Variants in SHISA9 observed in about 807,000 individuals in gnomAD.
SHISA9 encodes shisa family member 9, also known as protein shisa-9.
SHISA9 carries 13 observed loss-of-function variants against 38.0 expected under a neutral mutation model. That is an observed-to-expected ratio of 0.34 (90% CI 0.22 to 0.54). The LOEUF is 0.54. Among genes scored for constraint, SHISA9 ranks in the 20% least tolerant of loss-of-function variants. The pLI is 0.91. For missense variants in SHISA9, 538 were observed against 575.8 expected (o/e 0.93, Z 0.67); for synonymous variants, 275 against 242.0 (o/e 1.14, Z -1.27).
At chr16:13,011,099 T>A (rs1195684508) in intron 2 of SHISA9, among the ~76,000 whole-genome samples, 1 of 152,230 alleles carries the variant, frequency 6.6e-6, no homozygotes, top group Non-Finnish European at 1.5e-5. Flanking sequence ...ACTAAGAGCC[T>A]GTTGTAATGG....
intron 2 of SHISA9, among the ~76,000 whole-genome samples, chr16:13,194,679 G>C (rs2050920128): frequency 6.6e-6 from 1 of 152,066 alleles, no homozygotes; most frequent in South Asian, 2.1e-4. Context: ...CAGGCATATG[G>C]AAGTCATGGG....
At chr16:13,440,912 C>G in the SHISA9 span, among the ~76,000 whole-genome samples, 3 of 149,008 alleles carry the variant, frequency 2.0e-5, no homozygotes, top group African/African-American at 7.4e-5. Context: ...CAGAGCAAGA[C>G]TCTGGGAAAA....
At chr16:13,343,744 A>T in the SHISA9 span, among the ~76,000 whole-genome samples, 1 of 152,182 alleles carries the variant, frequency 6.6e-6, no homozygotes, top group Non-Finnish European at 1.5e-5. Context: ...AAGTGTAAGA[A>T]GCATCCTGAC....
At chr16:12,909,082 A>G (rs987010706) in intron 1 of SHISA9, 1 of 989,228 alleles carries the variant, frequency 1.0e-6, no homozygotes, top group South Asian at 4.6e-5. Flanking sequence ...TAAGGCTTTG[A>G]CCAGCTTCCC....
chr16:13,334,880 G>A, the SHISA9 span, among the ~76,000 whole-genome samples: 1 of 152,102 alleles, frequency 6.6e-6, no homozygotes, highest in Non-Finnish European at 1.5e-5. Flanking sequence ...CAGGGAGCCT[G>A]CCACATCAAT....
At chr16:12,952,682 C>T (rs1466478856) in intron 2 of SHISA9, among the ~76,000 whole-genome samples, 1 of 152,104 alleles carries the variant, frequency 6.6e-6, no homozygotes, top group African/African-American at 2.4e-5. Context: ...AGTGGCACTT[C>T]CTCCTTCACT....
chr16:13,207,519 TAGAAAACTCTGAAGCA>T (rs770632343), intron 3 of SHISA9, among the ~76,000 whole-genome samples: 10 of 152,166 alleles, frequency 6.6e-5, no homozygotes, highest in African/African-American at 9.7e-5. Flanking sequence ...TAATACCTCC[TAGAAAACTCTGAAGCA>T]TCCCACGTGG....
chr16:13,558,219 A>G, the SHISA9 span, among the ~76,000 whole-genome samples: 5 of 152,142 alleles, frequency 3.3e-5, no homozygotes, highest in Admixed American at 1.3e-4. Flanking sequence ...CTTCCCATCT[A>G]CAAAATGAGG....
intron 2 of SHISA9, among the ~76,000 whole-genome samples, chr16:13,054,108 T>C (rs1237780067): frequency 1.3e-5 from 2 of 152,204 alleles, no homozygotes; most frequent in African/African-American, 4.8e-5. Context: ...TGGTATGTCT[T>C]CCCTATTAGA....
chr16:12,955,837 A>G (rs2071825685), intron 2 of SHISA9, among the ~76,000 whole-genome samples: 1 of 152,176 alleles, frequency 6.6e-6, no homozygotes, highest in Non-Finnish European at 1.5e-5. Context: ...TCTTCTGGAC[A>G]TTAGCCTAAG....
the SHISA9 span, among the ~76,000 whole-genome samples, chr16:13,532,266 C>G: frequency 6.6e-6 from 1 of 152,278 alleles, no homozygotes; most frequent in African/African-American, 2.4e-5. Flanking sequence ...AGCCCTAGAT[C>G]AGGCTGCAAA....
chr16:12,907,947 G>T (rs1017679490), intron 1 of SHISA9, among the ~76,000 whole-genome samples: 1 of 152,204 alleles, frequency 6.6e-6, no homozygotes, highest in Non-Finnish European at 1.5e-5. Context: ...TAGAGAGTCA[G>T]TCAAGTTGCT....
At chr16:13,201,153 C>G (rs2051002403) in intron 2 of SHISA9, among the ~76,000 whole-genome samples, 1 of 135,174 alleles carries the variant, frequency 7.4e-6, no homozygotes, top group Admixed American at 7.3e-5. Context: ...TTGGTACCAC[C>G]TGTTTTTGTA....
At chr16:13,166,605 C>T (rs923482499) in intron 2 of SHISA9, among the ~76,000 whole-genome samples, 1 of 152,154 alleles carries the variant, frequency 6.6e-6, no homozygotes, top group Non-Finnish European at 1.5e-5. Flanking sequence ...CATTCTCCCC[C>T]GCTTGAATGT....
chr16:13,314,668 A>G, the SHISA9 span, among the ~76,000 whole-genome samples: 1 of 152,116 alleles, frequency 6.6e-6, no homozygotes. Flanking sequence ...CATCGCCACA[A>G]TCAACATCAT....
chr16:13,367,748 A>ACC, the SHISA9 span, among the ~76,000 whole-genome samples: 75 of 143,680 alleles, frequency 5.2e-4, no homozygotes, highest in East Asian at 2.6e-3. Context: ...ACACACACAC[A>ACC]CCCCTGAATT....
At chr16:13,498,620 G>C in the SHISA9 span, among the ~76,000 whole-genome samples, 3 of 152,046 alleles carry the variant, frequency 2.0e-5, no homozygotes, top group Admixed American at 6.6e-5. Flanking sequence ...AGCCGAGTAT[G>C]GTGGCGGGCA....
the SHISA9 span, among the ~76,000 whole-genome samples, chr16:13,542,136 C>G: frequency 3.9e-5 from 6 of 152,274 alleles, no homozygotes; most frequent in African/African-American, 1.4e-4. Flanking sequence ...CACCTGGAAC[C>G]ACCAGAAGCT....
At chr16:13,482,424 C>T in the SHISA9 span, among the ~76,000 whole-genome samples, 5 of 152,254 alleles carry the variant, frequency 3.3e-5, no homozygotes, top group Admixed American at 6.5e-5. Flanking sequence ...TCCTTAAATC[C>T]TGTCACCCTT....
Sources: gnomAD v4.1 joint callset for allele counts (sites outside exome capture counted in the v4.1 genomes callset) on GRCh38, gnomAD v4.1.1 for gene constraint, MANE v1.5 for transcripts, NCBI Gene and HGNC (gene_info 2026-07-23, HGNC 2026-07-21) for gene names.